Variants in GALNT2 observed in about 807,000 individuals in gnomAD.
The protein encoded by GALNT2 is UDP-GalNAc:polypeptide N-acetylgalactosaminyltransferase 2.
In GALNT2, 31 loss-of-function variants were observed where a neutral mutation model predicts 81.4. The observed-to-expected ratio is 0.38, with a 90% CI of 0.29 to 0.51. GALNT2 has a LOEUF of 0.51. Among genes scored for constraint, GALNT2 ranks in the 20% least tolerant of loss-of-function variants. The pLI is 0.87. For synonymous variants in GALNT2, 303 were observed against 287.4 expected, an observed-to-expected ratio of 1.05 and a Z score of -0.55; for missense variants, 629 against 765.7, an observed-to-expected ratio of 0.82 and a Z score of 2.11.
At chr1:230,192,603 A>G (rs952073315) in intron 2 of GALNT2, among the ~76,000 whole-genome samples, 2 of 152,248 alleles carry the variant, frequency 1.3e-5, no homozygotes, top group Admixed American at 6.5e-5. Flanking sequence ...AAATTTGAAG[A>G]AGAGATATAG....
Position 230,265,324 on chromosome 1 carries a change from G to T in GALNT2, c.1397G>T (p.Gly466Val). 1 of 1,614,250 alleles carries T rather than the reference G, an allele frequency of 6.2e-7. No individual in the cohort carries two copies. The highest frequency in any genetic ancestry group is 1.1e-5 in the South Asian group (1 of 91,086). Residue 466 changes from glycine to valine, a missense_variant, in exon 14 of 16, where the codon GGT becomes GTT. Around this residue, in one of 3 missense-constraint regions of GALNT2, gnomAD observed 207 missense variants for 225.5 expected, o/e 0.92. Coordinates refer to ENST00000366672, the MANE Select transcript of GALNT2 (RefSeq NM_004481.5). ...GACACTTTGGGACACTTTGCTGATGGTGTGGTTGGAGTTTATGAATGTCAC... is the reference window on the plus strand; with the variant it reads ...GACACTTTGGGACACTTTGCTGATGTTGTGGTTGGAGTTTATGAATGTCAC... Reference protein sequence around the residue: ...CLDTLGHFADGVVGVYECHNA... With the variant: ...CLDTLGHFADVVVGVYECHNA...
At chr1:230,160,654 C>G (rs559897034) in intron 1 of GALNT2, among the ~76,000 whole-genome samples, 1 of 149,170 alleles carries the variant, frequency 6.7e-6, no homozygotes, top group African/African-American at 2.5e-5. Flanking sequence ...ATGGAGGTTG[C>G]GGTGAGCCAA....
At chr1:230,170,001 G>A (rs1460570350) in intron 1 of GALNT2, among the ~76,000 whole-genome samples, 6 of 152,190 alleles carry the variant, frequency 3.9e-5, no homozygotes, top group Admixed American at 3.9e-4. Context: ...CCAAGGCTGG[G>A]TCCCATTCCC....
chr1:230,134,593 C>T (rs1465755686), intron 1 of GALNT2, among the ~76,000 whole-genome samples: 1 of 152,224 alleles, frequency 6.6e-6, no homozygotes, highest in Non-Finnish European at 1.5e-5. Flanking sequence ...AGGAGGGTAT[C>T]CAACCCAGAC....
chr1:230,126,574 C>T (rs1301461919), intron 1 of GALNT2, among the ~76,000 whole-genome samples: 2 of 152,096 alleles, frequency 1.3e-5, no homozygotes, highest in Non-Finnish European at 2.9e-5. Context: ...GAAACATGAG[C>T]GGGAATGAGA....
chr1:230,112,389 G>A (rs1660729393), intron 1 of GALNT2, among the ~76,000 whole-genome samples: 1 of 147,926 alleles, frequency 6.8e-6, no homozygotes, highest in African/African-American at 2.5e-5. Context: ...GGGGAGGGGG[G>A]GGGCCTGCAT....
rs1017266337 is a variant in GALNT2 at position 230,120,768 on chromosome 1, G to A, written c.126+53362G>A. Among the ~76,000 whole-genome samples, 6 of 152,254 alleles carry A rather than the reference G, an allele frequency of 3.9e-5. No homozygotes were observed. The South Asian group carries it at 1.0e-3, about 26-fold the overall frequency. On this transcript the variant is annotated intron_variant, in intron 1 of 15. Coordinates refer to ENST00000366672, the MANE Select transcript of GALNT2 (RefSeq NM_004481.5). ...CTCCGCACACACTAAATGCCCTGCC[G>A]GTATCTTCTTTCCAGTGACTGTGGC...
At chr1:230,063,046 C>G (rs999274000), upstream of GALNT2, among the ~76,000 whole-genome samples, 1 of 152,106 alleles carries the variant, frequency 6.6e-6, no homozygotes, top group Non-Finnish European at 1.5e-5. Context: ...GGCGCGGTGG[C>G]TCACACCTGT....
chr1:230,058,204 T>C, intron 1 of GALNT2: 1 of 436,022 alleles, frequency 2.3e-6, no homozygotes, highest in Non-Finnish European at 4.6e-6. Flanking sequence ...GGCCCAACTC[T>C]CAGGCTCACT....
intron 1 of GALNT2, among the ~76,000 whole-genome samples, chr1:230,135,869 T>A (rs12140497): frequency 6.6e-6 from 1 of 151,626 alleles, no homozygotes; most frequent in South Asian, 2.1e-4. Flanking sequence ...CATTTTTTTT[T>A]TTTTTATAGA....
chr1:230,075,158 C>T (rs2102746743), intron 1 of GALNT2, among the ~76,000 whole-genome samples: 1 of 130,860 alleles, frequency 7.6e-6, no homozygotes, highest in East Asian at 2.3e-4. Context: ...CAAAGTCTCA[C>T]TCTGTCGCCC....
intron 3 of GALNT2, among the ~76,000 whole-genome samples, chr1:230,220,783 A>G (rs1405993285): frequency 2.6e-5 from 4 of 152,158 alleles, no homozygotes. Context: ...TCATGGTATG[A>G]TGTGACGGTG....
chr1:230,155,248 T>C (rs534171363), intron 1 of GALNT2, among the ~76,000 whole-genome samples: 1 of 152,228 alleles, frequency 6.6e-6, no homozygotes, highest in African/African-American at 2.4e-5. Context: ...TGCATGGGGT[T>C]GTGAGAGCCC....
chr1:230,241,189 T>TC (rs1235101012), intron 6 of GALNT2, among the ~76,000 whole-genome samples: 1 of 152,232 alleles, frequency 6.6e-6, no homozygotes, highest in Non-Finnish European at 1.5e-5. Flanking sequence ...CTCTGGGTCA[T>TC]CTCAGGGTGA....
At chr1:230,189,483 C>T (rs765211643) in intron 2 of GALNT2, among the ~76,000 whole-genome samples, 1 of 152,132 alleles carries the variant, frequency 6.6e-6, no homozygotes, top group African/African-American at 2.4e-5. Context: ...CTAACAGAGA[C>T]GTTTTAGCTT....
At chr1:230,225,518 A>G (rs1008022035) in intron 3 of GALNT2, among the ~76,000 whole-genome samples, 4 of 152,136 alleles carry the variant, frequency 2.6e-5, no homozygotes, top group East Asian at 1.9e-4. Context: ...CCTTATTCCC[A>G]GTGGCTTAGG....
At chr1:230,175,642 C>T (rs1189654503) in intron 1 of GALNT2, among the ~76,000 whole-genome samples, 2 of 138,638 alleles carry the variant, frequency 1.4e-5, no homozygotes, top group Admixed American at 1.4e-4. Context: ...CCTCCTTTCC[C>T]TCTCCCCCTC....
chr1:230,098,496 C>T (rs769316421), intron 1 of GALNT2, among the ~76,000 whole-genome samples: 2 of 151,832 alleles, frequency 1.3e-5, no homozygotes, highest in Non-Finnish European at 2.9e-5. Context: ...TGACAAATCC[C>T]GTTTCTTAGA....
chr1:230,184,288 A>G (rs1432120448), intron 2 of GALNT2, among the ~76,000 whole-genome samples: 1 of 151,066 alleles, frequency 6.6e-6, no homozygotes, highest in Admixed American at 6.6e-5. Flanking sequence ...TTCTAGGTTC[A>G]TGCCATTCTC....
Sources: allele counts gnomAD v4.1 joint callset (sites outside exome capture counted in the v4.1 genomes callset), GRCh38; gene constraint gnomAD v4.1.1; regional missense constraint gnomAD v4.1.1; transcripts MANE v1.5; gene names NCBI Gene and HGNC (gene_info 2026-07-23, HGNC 2026-07-21).